Variants in TNRC6A observed in about 807,000 individuals in gnomAD.
TNRC6A encodes the protein trinucleotide repeat-containing gene 6A protein.
A neutral mutation model predicts 221.2 loss-of-function variants in TNRC6A; 44 were observed. The observed-to-expected ratio is 0.20, with a 90% CI of 0.16 to 0.26. The LOEUF is 0.26. Ranked by LOEUF, TNRC6A falls within the 10% of genes least tolerant of loss-of-function variation. The pLI, the probability that TNRC6A is intolerant of heterozygous loss-of-function variation, is 1.00. For missense variants in TNRC6A, 2,199 were observed against 2,404.4 expected (o/e 0.91, Z 1.79); for synonymous variants, 847 against 838.5 (o/e 1.01, Z -0.18).
At chr16:24,623,315 C>T (rs1900783256) in intron 1 of TNRC6A, among the ~76,000 whole-genome samples, 1 of 152,144 alleles carries the variant, frequency 6.6e-6, no homozygotes, top group East Asian at 1.9e-4. Context: ...TCTCCTGCCT[C>T]AGCCTGCCGA....
In TNRC6A at chr16:24,789,772, G is replaced by A. The variant is rs2058057360; in HGVS notation, c.1130G>A (p.Gly377Glu). The change falls in exon 6 of 25, where the codon GGA (glycine) becomes GAA (glutamate). Residue 377 changes from glycine (G) to glutamate (E), a missense_variant. By Grantham distance (98) the Gly-to-Glu change is moderately conservative. Coordinates refer to ENST00000395799, the MANE Select transcript of TNRC6A (RefSeq NM_014494.4). ...HGAWPVLENN[G>E]LALKGPVGSG... The stretch of plus-strand genomic sequence containing the variant: ...GCCTGGCCAGTATTAGAGAACAATG[G>A]ACTTGCCCTAAAAGGGCCTGTAGGG... 1.2e-6 allele frequency: 2 copies of A among 1,614,030 alleles called. No homozygotes were observed. The highest frequency in any genetic ancestry group is 1.7e-6 in the Non-Finnish European group (2 of 1,180,032).
chr16:24,728,372 G>T (rs555958667), upstream of TNRC6A, among the ~76,000 whole-genome samples: 2 of 152,076 alleles, frequency 1.3e-5, no homozygotes, highest in South Asian at 4.1e-4. Flanking sequence ...GCTTGAACTC[G>T]GGAGGCGGAG....
chr16:24,626,482 C>T (rs1015935023), intron 1 of TNRC6A, among the ~76,000 whole-genome samples: 5 of 151,980 alleles, frequency 3.3e-5, no homozygotes, highest in Non-Finnish European at 7.4e-5. Flanking sequence ...GCCTCTGTAG[C>T]CTTCCTTGGA....
chr16:24,820,344 C>T lies in TNRC6A; in HGVS notation c.5286C>T (p.Asp1762=), dbSNP rs778604090. Residue 1762 remains aspartate (D), a synonymous_variant, in exon 22 of 25, where the codon GAC becomes GAT. Transcript: ENST00000395799. ...TAGGTGGAGGATGGGGAAATTCTGA[C>T]GCCAGATATACCCCAGGTAAGATGC... ...LRIGGGWGNS[D]ARYTPGSSWG... The T allele has an allele frequency of 1.9e-5, 31 of 1,614,050 alleles. No individual in the cohort carries two copies. The highest frequency in any genetic ancestry group is 8.3e-5 in the Admixed American group (5 of 60,008).
chr16:24,761,327 T>G (rs2057357790), intron 4 of TNRC6A, among the ~76,000 whole-genome samples: 1 of 152,248 alleles, frequency 6.6e-6, no homozygotes, highest in African/African-American at 2.4e-5. Flanking sequence ...TTAAAAAATC[T>G]TTTAAAATAT....
At chr16:24,686,118 T>C (rs2055620448) in intron 2 of TNRC6A, among the ~76,000 whole-genome samples, 1 of 152,178 alleles carries the variant, frequency 6.6e-6, no homozygotes, top group South Asian at 2.1e-4. Flanking sequence ...AGAACGTGTT[T>C]ATTTTCCCCT....
chr16:24,693,736 C>T (rs1317852620), intron 2 of TNRC6A, among the ~76,000 whole-genome samples: 1 of 151,938 alleles, frequency 6.6e-6, no homozygotes, highest in Non-Finnish European at 1.5e-5. Context: ...CCCATCTCTA[C>T]AAAAAATACA....
intron 3 of TNRC6A, among the ~76,000 whole-genome samples, chr16:24,752,275 G>A (rs1177226459): frequency 6.6e-6 from 1 of 152,156 alleles, no homozygotes; most frequent in African/African-American, 2.4e-5. Flanking sequence ...GCAGGTTCCA[G>A]ATGAGTGACT....
chr16:24,677,298 G>A (rs556434625), intron 2 of TNRC6A, among the ~76,000 whole-genome samples: 2 of 151,988 alleles, frequency 1.3e-5, no homozygotes, highest in East Asian at 3.9e-4. Flanking sequence ...GAGTAGCTGG[G>A]ATTACAGGCA....
intron 2 of TNRC6A, among the ~76,000 whole-genome samples, chr16:24,652,711 G>A (rs1006839597): frequency 6.6e-6 from 1 of 152,176 alleles, no homozygotes; most frequent in Non-Finnish European, 1.5e-5. Context: ...CGGAATAAGA[G>A]GGGGAAAGAT....
In TNRC6A at chr16:24,612,511, C is replaced by A. The variant is rs145586401; in HGVS notation, n.276+2027C>A. The stretch of plus-strand genomic sequence containing the variant: ...TCTGTAATCCCAGCACTTTGTGGGG[C>A]CTAGGCGGCTGGATTGCTTGAACCC... On this transcript the variant is annotated intron_variant and non_coding_transcript_variant, in intron 1 of 2. Transcript: ENST00000566108. 3.9e-5 allele frequency among the ~76,000 whole-genome samples: 6 copies of A among 152,002 alleles called. No individual in the cohort carries two copies. The East Asian group carries it at 1.2e-3, about 29-fold the overall frequency.
chr16:24,713,786 A>C (rs556243060), intron 2 of TNRC6A, among the ~76,000 whole-genome samples: 33 of 152,114 alleles, frequency 2.2e-4, no homozygotes, highest in African/African-American at 7.7e-4. Context: ...AGCTGGGACT[A>C]CAGGTGTGTG....
chr16:24,748,999 C>G (rs576810821), intron 2 of TNRC6A, among the ~76,000 whole-genome samples: 4 of 152,274 alleles, frequency 2.6e-5, no homozygotes, highest in Middle Eastern at 6.8e-3. Context: ...CTCAGCCTCC[C>G]GAGTAGCTGG....
chr16:24,716,997 A>G (rs904911703), intron 2 of TNRC6A, among the ~76,000 whole-genome samples: 2 of 151,604 alleles, frequency 1.3e-5, no homozygotes, highest in Admixed American at 1.3e-4. Flanking sequence ...AACTTGAATG[A>G]ATGAATAGAT....
rs186773978 is a variant in TNRC6A, at chr16:24,695,812, G to A, written n.402+54803G>A. Among the ~76,000 whole-genome samples, 538 of 152,236 alleles carry A rather than the reference G, an allele frequency of 3.5e-3. 2 individuals are homozygous for A. The highest frequency in any genetic ancestry group is 9.4e-3 in the Admixed American group (144 of 15,270). ...GGATTGAGTCTTTTCAGCCCTGGTG[G>A]TTAATTTGGCCACGTCACCGTCACC... On this transcript the variant is annotated intron_variant and non_coding_transcript_variant, in intron 2 of 2. Coordinates refer to the TNRC6A transcript ENST00000566108.
chr16:24,814,578 C>A (rs1170134530), intron 18 of TNRC6A, among the ~76,000 whole-genome samples: 2 of 151,612 alleles, frequency 1.3e-5, no homozygotes. Context: ...CCATGCCCAG[C>A]TAATTTTTGT....
chr16:24,701,147 T>C (rs534062594), intron 2 of TNRC6A, among the ~76,000 whole-genome samples: 2 of 152,298 alleles, frequency 1.3e-5, no homozygotes, highest in South Asian at 4.1e-4. Flanking sequence ...CCAAAATGTA[T>C]GAGTAACATT....
intron 2 of TNRC6A, among the ~76,000 whole-genome samples, chr16:24,696,781 G>GGGGA (rs1241102013): frequency 6.8e-6 from 1 of 148,056 alleles, no homozygotes; most frequent in African/African-American, 2.5e-5. Flanking sequence ...GAAAGGGGAG[G>GGGGA]GGGAGGGAGG....
chr16:24,794,560 A>G lies in TNRC6A; in HGVS notation c.3369A>G (p.Gln1123=). Residue 1123 remains glutamine (Q), a synonymous_variant, in exon 8 of 25, where the codon CAA becomes CAG. Coordinates refer to ENST00000395799, the MANE Select transcript of TNRC6A (RefSeq NM_014494.4). ...ALSKSGPKSM[Q]DGWCGDDMPL... ...CACAATCAGGGCCAAAATCTATGCAAGATGGCTGGTGTGGTGATGATATGC... is the reference window on the plus strand; with the variant it reads ...CACAATCAGGGCCAAAATCTATGCAGGATGGCTGGTGTGGTGATGATATGC... 2 of 1,612,232 alleles carry G rather than the reference A, an allele frequency of 1.2e-6. No individual in the cohort carries two copies. The highest frequency in any genetic ancestry group is 1.1e-5 in the South Asian group (1 of 90,334).
Sources: gnomAD v4.1 joint callset for allele counts (sites outside exome capture counted in the v4.1 genomes callset) on GRCh38, gnomAD v4.1.1 for gene constraint, MANE v1.5 for transcripts, NCBI Gene and HGNC (gene_info 2026-07-23, HGNC 2026-07-21) for gene names.